Variants in PRKAR1B observed in about 807,000 individuals in gnomAD.
The protein encoded by PRKAR1B is cAMP-dependent protein kinase type I-beta regulatory subunit.
A neutral mutation model predicts 46.5 loss-of-function variants in PRKAR1B; 22 were observed. The observed-to-expected ratio is 0.47, with a 90% CI of 0.34 to 0.68. The LOEUF is 0.68. PRKAR1B is among the 30% of genes least tolerant of loss of function. The pLI, the probability that PRKAR1B is intolerant of heterozygous loss-of-function variation, is 0.01. For synonymous variants in PRKAR1B, 259 were observed against 217.7 expected (o/e 1.19, Z -1.67); for missense variants, 445 against 535.6 (o/e 0.83, Z 1.67).
chr7:631,901 G>C (rs996211677), intron 4 of PRKAR1B, among the ~76,000 whole-genome samples: 4 of 151,914 alleles, frequency 2.6e-5, no homozygotes, highest in African/African-American at 9.7e-5. Context: ...AGGCTGCATA[G>C]AGCTGTGATG....
chr7:652,748 T>C (rs1784978497), intron 4 of PRKAR1B, among the ~76,000 whole-genome samples: 1 of 152,242 alleles, frequency 6.6e-6, no homozygotes, highest in African/African-American at 2.4e-5. Context: ...CAGAGACAAT[T>C]CCCAACCCAT....
chr7:619,068 G>A (rs1252848599), intron 4 of PRKAR1B, among the ~76,000 whole-genome samples: 1 of 152,184 alleles, frequency 6.6e-6, no homozygotes, highest in Non-Finnish European at 1.5e-5. Context: ...AAAAAGTGAG[G>A]TCCTACTGGA....
At chr7:568,775 T>A (rs1779322230) in intron 9 of PRKAR1B, among the ~76,000 whole-genome samples, 2 of 152,164 alleles carry the variant, frequency 1.3e-5, no homozygotes, top group Non-Finnish European at 2.9e-5. Flanking sequence ...GGTGCTTAAG[T>A]CTCCTCGCTT....
chr7:616,507 G>A (rs139934018), intron 4 of PRKAR1B, among the ~76,000 whole-genome samples: 117 of 152,376 alleles, frequency 7.7e-4, no homozygotes, highest in Non-Finnish European at 1.4e-3. Context: ...CCTGCCAGCC[G>A]GCGGGGCTCA....
intron 9 of PRKAR1B, among the ~76,000 whole-genome samples, chr7:558,197 G>A (rs1047611738): frequency 1.3e-5 from 2 of 151,590 alleles, no homozygotes; most frequent in African/African-American, 4.8e-5. Context: ...GTGCTGGCAT[G>A]TGCCTGTGGT....
intron 4 of PRKAR1B, among the ~76,000 whole-genome samples, chr7:613,688 A>C (rs1562563493): frequency 6.6e-6 from 1 of 152,042 alleles, no homozygotes; most frequent in Non-Finnish European, 1.5e-5. Context: ...CCCACCGACC[A>C]ACACGGTACA....
chr7:700,246 G>A (rs1779988350), intron 2 of PRKAR1B, among the ~76,000 whole-genome samples: 1 of 152,156 alleles, frequency 6.6e-6, no homozygotes, highest in African/African-American at 2.4e-5. Flanking sequence ...CCACACAAGG[G>A]TGCGCCCAAG....
At chr7:654,113 C>T (rs1785056395) in intron 4 of PRKAR1B, among the ~76,000 whole-genome samples, 2 of 151,728 alleles carry the variant, frequency 1.3e-5, no homozygotes, top group African/African-American at 2.4e-5. Context: ...TCCTCCTCAC[C>T]ATCTTCATCA....
chr7:573,416 C>G (rs971067372), intron 9 of PRKAR1B, among the ~76,000 whole-genome samples: 1 of 152,078 alleles, frequency 6.6e-6, no homozygotes, highest in Non-Finnish European at 1.5e-5. Context: ...CAGCAGGCCC[C>G]TCCCCACATG....
At chr7:636,949 G>T (rs1387245615) in intron 4 of PRKAR1B, among the ~76,000 whole-genome samples, 1 of 152,190 alleles carries the variant, frequency 6.6e-6, no homozygotes, top group Non-Finnish European at 1.5e-5. Context: ...CTGAAGGTGG[G>T]GGGTGGGGAG....
chr7:693,574 G>A (rs1481871578), intron 2 of PRKAR1B, among the ~76,000 whole-genome samples: 1 of 152,220 alleles, frequency 6.6e-6, no homozygotes, highest in Non-Finnish European at 1.5e-5. Flanking sequence ...TGTGCTGCGT[G>A]TCAGGTGATT....
chr7:664,990 T>C (rs979620355), intron 4 of PRKAR1B, among the ~76,000 whole-genome samples: 8 of 151,706 alleles, frequency 5.3e-5, no homozygotes, highest in African/African-American at 1.9e-4. Context: ...CACGATCACC[T>C]GGGGGAAGTG....
intron 2 of PRKAR1B, among the ~76,000 whole-genome samples, chr7:697,330 A>T (rs986533422): frequency 2.6e-5 from 4 of 152,104 alleles, no homozygotes; most frequent in Non-Finnish European, 5.9e-5. Flanking sequence ...ACACGCAGGG[A>T]TTACAGGCAG....
intron 1 of PRKAR1B, among the ~76,000 whole-genome samples, chr7:721,910 C>T (rs1187646848): frequency 1.3e-5 from 2 of 152,128 alleles, no homozygotes; most frequent in East Asian, 3.9e-4. Context: ...ACTGGTGTTC[C>T]TCTCTAGGCA....
chr7:632,740 C>T (rs1783828113), intron 4 of PRKAR1B, among the ~76,000 whole-genome samples: 2 of 152,224 alleles, frequency 1.3e-5, no homozygotes, highest in Admixed American at 6.5e-5. Flanking sequence ...CCGGATGTTC[C>T]TGAGCCCCCG....
chr7:658,136 C>A (rs1321244297), intron 4 of PRKAR1B, among the ~76,000 whole-genome samples: 1 of 152,074 alleles, frequency 6.6e-6, no homozygotes, highest in Non-Finnish European at 1.5e-5. Context: ...GAAACTAGAT[C>A]AAAAATTAGC....
intron 9 of PRKAR1B, among the ~76,000 whole-genome samples, chr7:555,574 C>G (rs1778377693): frequency 6.6e-6 from 1 of 152,208 alleles, no homozygotes; most frequent in Non-Finnish European, 1.5e-5. Context: ...CCTCTGCTGT[C>G]TTTCCCTCCA....
chr7:555,683 T>G (rs1168487120), intron 9 of PRKAR1B, among the ~76,000 whole-genome samples: 1 of 152,050 alleles, frequency 6.6e-6, no homozygotes, highest in Admixed American at 6.5e-5. Flanking sequence ...GTGGGGGGCA[T>G]GAATTTCTCC....
At chr7:684,152 ACCAATGCCCACCTCCATGTGCT>A (rs1244874754) in intron 2 of PRKAR1B, among the ~76,000 whole-genome samples, 6 of 119,388 alleles carry the variant, frequency 5.0e-5, no homozygotes, top group African/African-American at 1.6e-4. Flanking sequence ...CTCTGTGTAC[ACCAATGCCCACCTCCATGTGCT>A]CCAATGCCCA....
Sources: allele counts gnomAD v4.1 joint callset (sites outside exome capture counted in the v4.1 genomes callset), GRCh38; gene constraint gnomAD v4.1.1; transcripts MANE v1.5; gene names NCBI Gene and HGNC (gene_info 2026-07-23, HGNC 2026-07-21).